Variants in PMS2 observed in about 807,000 individuals in gnomAD.
PMS2 encodes mismatch repair endonuclease PMS2.
Under a neutral mutation model 90.0 loss-of-function variants are expected in PMS2, and 69 were observed. The ratio of observed to expected loss-of-function variants is 0.77; its 90% CI spans 0.63 to 0.94. The LOEUF (loss-of-function observed/expected upper bound fraction) is 0.94. PMS2 is among the 40% of genes least tolerant of loss of function. The pLI, the probability that PMS2 is intolerant of heterozygous loss-of-function variation, is 0.00. For missense variants in PMS2, 966 were observed against 1,040.2 expected (o/e 0.93, Z 0.98); for synonymous variants, 332 against 375.1 (o/e 0.89, Z 1.33).
intron 6 of PMS2, among the ~76,000 whole-genome samples, chr7:5,997,676 G>A (rs1784583768): frequency 6.6e-6 from 1 of 152,084 alleles, no homozygotes; most frequent in Admixed American, 6.6e-5. Context: ...TGTCGAGTGA[G>A]TAGCTGGGAC....
chr7:6,001,755 G>A (rs1036874776), intron 5 of PMS2, among the ~76,000 whole-genome samples: 3 of 152,024 alleles, frequency 2.0e-5, no homozygotes, highest in African/African-American at 7.2e-5. Context: ...AGGCCAAGGT[G>A]GGCAGATCAC....
intron 2 of PMS2, among the ~76,000 whole-genome samples, chr7:6,005,214 TTA>T (rs1437786518): frequency 1.4e-5 from 2 of 146,308 alleles, no homozygotes; most frequent in Non-Finnish European, 3.0e-5. Context: ...CTATTTTGTT[TTA>T]TGTTTTTGAG....
At chr7:5,991,296 G>C (rs1783701045) in intron 9 of PMS2, among the ~76,000 whole-genome samples, 1 of 151,708 alleles carries the variant, frequency 6.6e-6, no homozygotes, top group African/African-American at 2.4e-5. Flanking sequence ...GAGAAAGAGA[G>C]AGAGGACAGA....
At chr7:5,983,513 T>G (rs1782530060) in intron 11 of PMS2, among the ~76,000 whole-genome samples, 1 of 151,904 alleles carries the variant, frequency 6.6e-6, no homozygotes, top group Non-Finnish European at 1.5e-5. Context: ...TATATCCTTC[T>G]AGACCCTTGT....
rs1409892151 is a variant in PMS2 at position 5,976,097 on chromosome 7, G to C, written c.2445+1491C>G. 2.1e-5 allele frequency among the ~76,000 whole-genome samples: 3 copies of C among 143,434 alleles called. 1 individual carries two copies. Among genetic ancestry groups the C allele is most frequent in the African/African-American group, 7.4e-5 (3 of 40,466 alleles). The allele number at this position is 143,434 out of a possible 152,430, so 94.1% of individuals were successfully genotyped here. A position where few individuals can be genotyped will look rare whatever the true frequency, so the allele number is the denominator to read the frequency against. ...CTATTAAAAATATAAAAATTAGCCA[G>C]GTGTGGTGGGTGCCTGTAGTCCCAG... On this transcript the variant is annotated intron_variant, in intron 14 of 14. Transcript: ENST00000265849.
At chr7:6,006,533 A>T (rs1785789374) in intron 1 of PMS2, among the ~76,000 whole-genome samples, 1 of 152,068 alleles carries the variant, frequency 6.6e-6, no homozygotes, top group Non-Finnish European at 1.5e-5. Flanking sequence ...GGCACCTGTA[A>T]TCCTAGCTAC....
Position 6,005,990 on chromosome 7 carries a change from G to A in PMS2, c.65C>T (p.Ser22Leu), listed in dbSNP as rs767028531. The change falls in exon 2 of 15, where the codon TCA (serine) becomes TTA (leucine). Residue 22 changes from serine to leucine, a missense_variant. This residue lies in a region of PMS2 where 871 missense variants were observed against 802.4 expected (regional missense o/e 1.09). Transcript: ENST00000265849. Reference protein sequence around the residue: ...AKAIKPIDRKSVHQICSGQVV... With the variant: ...AKAIKPIDRKLVHQICSGQVV... Reference sequence around the variant, plus strand: ...CTGCCCAGAGCAAATCTGATGGACTGACTTCCGATCAATAGGTTTGATGGC... The same window carrying A: ...CTGCCCAGAGCAAATCTGATGGACTAACTTCCGATCAATAGGTTTGATGGC... 2 of 1,610,750 alleles carry A rather than the reference G, an allele frequency of 1.2e-6. No homozygotes were observed. The highest frequency in any genetic ancestry group is 1.7e-6 in the Non-Finnish European group (2 of 1,179,792).
At chr7:5,985,624 G>A (rs1583308855) in intron 11 of PMS2, among the ~76,000 whole-genome samples, 1 of 150,826 alleles carries the variant, frequency 6.6e-6, no homozygotes, top group Non-Finnish European at 1.5e-5. Context: ...TGCAATCTCG[G>A]CTCACCACAA....
chr7:5,994,617 C>CA (rs943619912), intron 8 of PMS2, among the ~76,000 whole-genome samples: 49 of 149,204 alleles, frequency 3.3e-4, no homozygotes, highest in Non-Finnish European at 5.7e-4. Context: ...ACTAAAAATA[C>CA]AAAAAAAAAT....
rs749795530 is a variant in PMS2 at position 5,973,344 on chromosome 7, C to T, written c.*55G>A. On this transcript the variant is annotated 3_prime_UTR_variant, in exon 15 of 15. Coordinates refer to ENST00000265849, the MANE Select transcript of PMS2 (RefSeq NM_000535.7). ...CAAAAAAGGTTAGTGAAGACTCTGT[C>T]TTTCAAAACATAAAAATCTGCGATA... The T allele has an allele frequency of 6.3e-6, 8 of 1,276,322 alleles. No homozygotes were observed. The highest frequency in any genetic ancestry group is 8.8e-6 in the Non-Finnish European group (8 of 905,204). 79.1% of individuals were successfully genotyped at this position (1,276,322 alleles called of 1,614,324 possible).
chr7:5,997,965 A>G (rs1784618524), intron 6 of PMS2, among the ~76,000 whole-genome samples: 1 of 152,124 alleles, frequency 6.6e-6, no homozygotes, highest in Non-Finnish European at 1.5e-5. Flanking sequence ...GCCCACAATA[A>G]CTTATATTTT....
chr7:6,001,440 G>C (rs1175785436), intron 5 of PMS2, among the ~76,000 whole-genome samples: 1 of 147,026 alleles, frequency 6.8e-6, no homozygotes, highest in African/African-American at 2.5e-5. Context: ...GCTTGATCTC[G>C]GCTCACCGCA....
chr7:6,001,707 G>A (rs1583398621), intron 5 of PMS2, among the ~76,000 whole-genome samples: 1 of 152,038 alleles, frequency 6.6e-6, no homozygotes, highest in South Asian at 2.1e-4. Context: ...CATAAGGCCA[G>A]GCATGGTGGC....
At chr7:5,994,600 C>T (rs910818799) in intron 8 of PMS2, among the ~76,000 whole-genome samples, 2 of 151,288 alleles carry the variant, frequency 1.3e-5, no homozygotes, top group Non-Finnish European at 2.9e-5. Context: ...GGTGAAACCC[C>T]GTCTCTACTA....
At chr7:6,001,461 C>A (rs1284367537) in intron 5 of PMS2, among the ~76,000 whole-genome samples, 1 of 150,922 alleles carries the variant, frequency 6.6e-6, no homozygotes, top group Non-Finnish European at 1.5e-5. Context: ...ACCTCTGCCT[C>A]CCGGATTCCA....
intron 11 of PMS2, among the ~76,000 whole-genome samples, chr7:5,984,124 T>A (rs925814731): frequency 6.6e-6 from 1 of 151,826 alleles, no homozygotes; most frequent in Non-Finnish European, 1.5e-5. Context: ...TGCATTTCCG[T>A]GAGACAGACG....
At position 6,003,683 on chromosome 7, in the gene PMS2, G is replaced by A. The variant is rs1057520512; in HGVS notation, c.353+7C>T. ...GGTCAAGTGAGTGGATAAAAATATTGTATCACCTCAGTGCACAAAGTGAGC... is the reference window on the plus strand; with the variant it reads ...GGTCAAGTGAGTGGATAAAAATATTATATCACCTCAGTGCACAAAGTGAGC... On this transcript the variant is annotated splice_region_variant and intron_variant, in intron 4 of 14. Coordinates refer to ENST00000265849, the MANE Select transcript of PMS2 (RefSeq NM_000535.7). The A allele has an allele frequency of 4.0e-6, 6 of 1,483,794 alleles. No individual in the cohort carries two copies. The highest frequency in any genetic ancestry group is 5.6e-6 in the Non-Finnish European group (6 of 1,076,364). The allele number at this position is 1,483,794 out of a possible 1,614,324, so 91.9% of individuals were successfully genotyped here.
chr7:5,993,197 C>G (rs763979356), intron 8 of PMS2, among the ~76,000 whole-genome samples: 1 of 151,550 alleles, frequency 6.6e-6, no homozygotes, highest in Non-Finnish European at 1.5e-5. Flanking sequence ...ACAGTGAAAC[C>G]CCATCTCTAC....
intron 12 of PMS2, among the ~76,000 whole-genome samples, chr7:5,981,114 T>C (rs1462833731): frequency 1.3e-5 from 2 of 151,980 alleles, no homozygotes; most frequent in Admixed American, 6.5e-5. Context: ...TGGTTTTACA[T>C]GATACTATCA....
Sources: gnomAD v4.1 joint callset for allele counts (sites outside exome capture counted in the v4.1 genomes callset) on GRCh38, gnomAD v4.1.1 for gene constraint, gnomAD v4.1.1 regional missense constraint, MANE v1.5 for transcripts, NCBI Gene and HGNC (gene_info 2026-07-23, HGNC 2026-07-21) for gene names.